The following SOHLH1 variants were observed in gnomAD, a reference collection of about 807,000 sequenced individuals.
SOHLH1 encodes spermatogenesis- and oogenesis-specific basic helix-loop-helix-containing protein 1.
Under a neutral mutation model 36.2 loss-of-function variants are expected in SOHLH1, and 23 were observed. The observed-to-expected ratio is 0.64, with a 90% confidence interval of 0.46 to 0.90. The LOEUF is 0.90. Among genes scored for constraint, SOHLH1 ranks in the 40% least tolerant of loss-of-function variants. SOHLH1 has a pLI of 0.00. For synonymous variants in SOHLH1, 289 were observed against 228.3 expected, an observed-to-expected ratio of 1.27 and a Z score of -2.40; for missense variants, 608 against 517.0, an observed-to-expected ratio of 1.18 and a Z score of -1.71.
chr9:135,693,754 A>G lies in SOHLH1; in HGVS notation c.1007T>C (p.Leu336Pro), dbSNP rs1834682427. The change falls in exon 8 of 8, where the codon CTG (leucine) becomes CCG (proline). Residue 336 changes from leucine to proline, a missense_variant. Coordinates refer to ENST00000425225, the MANE Select transcript of SOHLH1 (RefSeq NM_001101677.2). Reference protein sequence around the residue: ...PAWAPAESSPLDVGEPGFLGD... With the variant: ...PAWAPAESSPPDVGEPGFLGD... ...TAGGAAGCCTGGCTCTCCAACATCCAGTGGACTGCTCTCAGCTGGGGCCCA... is the reference window on the plus strand; with the variant it reads ...TAGGAAGCCTGGCTCTCCAACATCCGGTGGACTGCTCTCAGCTGGGGCCCA... 1.9e-6 allele frequency: 3 copies of G among 1,578,968 alleles called. No homozygotes were observed. The highest frequency in any genetic ancestry group is 2.6e-6 in the Non-Finnish European group (3 of 1,163,312).
chr9:135,694,332 C>T, intron 7 of SOHLH1, 55 bp downstream of exon 7: 3 of 1,611,602 alleles, frequency 1.9e-6, no homozygotes, highest in Non-Finnish European at 2.5e-6. Context: ...AATTCCCCAG[C>T]TCATATCAGG....
rs147567724 is a variant in SOHLH1 at position 135,698,464 on chromosome 9, C to A, written c.210G>T (p.Ser70=). 8 of 1,613,174 alleles carry A rather than the reference C, an allele frequency of 5.0e-6. No individual in the cohort carries two copies. In the Admixed American group the frequency reaches 1.3e-4, roughly 27 times the overall value. ...GGGCCCGCAGACGCTCACAGCTCAA[C>A]GACATCCGCTTCCTGGTTCCGGTCA... is the stretch of plus-strand genomic sequence containing the variant. The part of the protein sequence containing the change: ...ISERERRKRM[S]LSCERLRALL... The change falls in exon 3 of 8, where the codon TCG becomes TCT. Residue 70 remains serine, a synonymous_variant. Transcript: ENST00000425225.
upstream of SOHLH1, among the ~76,000 whole-genome samples, chr9:135,700,087 C>T (rs893120697): frequency 3.9e-5 from 6 of 152,322 alleles, no homozygotes; most frequent in Admixed American, 3.3e-4. Flanking sequence ...AGGCCACCAT[C>T]GTCCGTGCTC....
intron 6 of SOHLH1, among the ~76,000 whole-genome samples, 160 bp downstream of exon 6, chr9:135,694,890 G>A (rs1834727179): frequency 6.6e-6 from 1 of 152,242 alleles, no homozygotes; most frequent in Non-Finnish European, 1.5e-5. Flanking sequence ...CCTGTCCTGG[G>A]CTGTGGCCTT....
intron 7 of SOHLH1, chr9:135,694,127 A>G: frequency 7.0e-7 from 1 of 1,432,414 alleles, no homozygotes; most frequent in Non-Finnish European, 9.1e-7. Context: ...CACAGGGTCA[A>G]GGGGAAGAAT....
At position 135,699,402 on chromosome 9, in the gene SOHLH1, C is replaced by T; in HGVS notation, c.65+1G>A. On this transcript the variant is annotated splice_donor_variant, in intron 1 of 7. Transcript: ENST00000425225. LOFTEE classifies it high-confidence loss of function. ...CCTTGGCCGCCAGCCCAATTCCTCA[C>T]TTGCATCCCCTGACGGTAGGGATTC... The T allele has an allele frequency of 1.2e-6, 2 of 1,611,436 alleles. No homozygotes were observed. The highest frequency in any genetic ancestry group is 2.2e-5 in the East Asian group (1 of 44,830).
At chr9:135,700,366 G>A (rs1442612581), upstream of SOHLH1, among the ~76,000 whole-genome samples, 7 of 152,270 alleles carry the variant, frequency 4.6e-5, no homozygotes, top group Non-Finnish European at 7.4e-5. Flanking sequence ...GGGGGATGAC[G>A]GAGGGAAGGG....
intron 5 of SOHLH1, 37 bp from the exon 6 acceptor site, chr9:135,695,300 C>T (rs1834748589): frequency 1.3e-6 from 2 of 1,555,192 alleles, no homozygotes; most frequent in East Asian, 2.3e-5. Context: ...GCCTTCCCTG[C>T]CCAGCCCCAC....
intron 5 of SOHLH1, among the ~76,000 whole-genome samples, chr9:135,695,792 G>A (rs1376076100): frequency 6.6e-6 from 1 of 152,144 alleles, no homozygotes; most frequent in African/African-American, 2.4e-5. Context: ...GGTCATCAGA[G>A]GCGCCCTGCA....
At chr9:135,700,839 G>A (rs923756378), upstream of SOHLH1, among the ~76,000 whole-genome samples, 1 of 152,164 alleles carries the variant, frequency 6.6e-6, no homozygotes, top group Non-Finnish European at 1.5e-5. Context: ...CCTGCCCCTG[G>A]CCAGGGAGGG....
chr9:135,697,729 T>C, intron 3 of SOHLH1, 102 bp from the exon 4 acceptor site: 1 of 1,422,714 alleles, frequency 7.0e-7, no homozygotes, highest in Non-Finnish European at 9.6e-7. Context: ...AGGGTCACTG[T>C]GAGCTCGGTC....
chr9:135,699,175 C>T (rs1414684213), intron 1 of SOHLH1, 49 bp from the exon 2 acceptor site: 3 of 1,553,818 alleles, frequency 1.9e-6, no homozygotes, highest in African/African-American at 1.4e-5. Flanking sequence ...CAGAAAAGGC[C>T]ACCAGGAGTC....
rs201942489 is a variant in SOHLH1, at chr9:135,699,040, G to A, written c.152C>T (p.Pro51Leu). 3.1e-4 allele frequency: 497 copies of A among 1,611,524 alleles called. 6 individuals are homozygous for A. The South Asian group carries it at 5.2e-3, about 17-fold the overall frequency. ...PPKAPTVAEG[P>L]SSCLRRNVIS... ...CACGTTCCGCCGAAGGCAGGAGCTGGGACCCTCGGCCACCGTAGGGGCCTT... is the reference window on the plus strand; with the variant it reads ...CACGTTCCGCCGAAGGCAGGAGCTGAGACCCTCGGCCACCGTAGGGGCCTT... Residue 51 changes from proline to leucine, a missense_variant, in exon 2 of 8, where the codon CCC becomes CTC. Pro to Leu is a moderately conservative substitution (Grantham distance 98). Transcript: ENST00000425225.
upstream of SOHLH1, among the ~76,000 whole-genome samples, chr9:135,700,671 A>C (rs1325907698): frequency 2.0e-5 from 3 of 152,184 alleles, no homozygotes; most frequent in Admixed American, 6.5e-5. Flanking sequence ...TTTGGGCCAA[A>C]GATGGGTGAA....
Position 135,696,785 on chromosome 9 carries a change from A to C in SOHLH1, c.488T>G (p.Phe163Cys). 6.2e-7 allele frequency: 1 copy of C among 1,612,992 alleles called. No homozygotes were observed. Among genetic ancestry groups the C allele is most frequent in the Non-Finnish European group, 8.5e-7 (1 of 1,179,982 alleles). ...SGTRTPDVKAFLESPWSLDPA... is the reference protein window; with the variant it reads ...SGTRTPDVKACLESPWSLDPA... ...ATCCAGGGACCAAGGACTTTCCAGA[A>C]ACGCCTTCACATCTGGGGTTCTAGA... Residue 163 changes from phenylalanine to cysteine, a missense_variant, in exon 5 of 8, where the codon TTT (phenylalanine) becomes TGT (cysteine). Phe to Cys is a radical substitution (Grantham distance 205, BLOSUM62 -2). Coordinates refer to ENST00000425225, the MANE Select transcript of SOHLH1 (RefSeq NM_001101677.2).
chr9:135,701,871 G>T (rs991757651), upstream of SOHLH1, among the ~76,000 whole-genome samples: 1 of 152,206 alleles, frequency 6.6e-6, no homozygotes, highest in Non-Finnish European at 1.5e-5. Context: ...CCTGCTGCCC[G>T]CCAAGGACCC....
At chr9:135,700,446 G>T (rs994163727), upstream of SOHLH1, among the ~76,000 whole-genome samples, 1 of 152,032 alleles carries the variant, frequency 6.6e-6, no homozygotes. Flanking sequence ...GGACGAGGGT[G>T]GGGGGTGAGG....
At chr9:135,696,009 A>G (rs939229185) in intron 5 of SOHLH1, among the ~76,000 whole-genome samples, 1 of 152,076 alleles carries the variant, frequency 6.6e-6, no homozygotes, top group Non-Finnish European at 1.5e-5. Flanking sequence ...CACCAGCCAC[A>G]GGCGGGTGAG....
rs377566516 is a variant in SOHLH1 at position 135,695,843 on chromosome 9, A to G, written c.662-580T>C. Among the ~76,000 whole-genome samples, 13 of 152,286 alleles carry G rather than the reference A, an allele frequency of 8.5e-5. No homozygotes were observed. The East Asian group carries it at 2.5e-3, about 30-fold the overall frequency. On this transcript the variant is annotated intron_variant, in intron 5 of 7. Transcript: ENST00000425225. Reference sequence around the variant, plus strand: ...GGACCAGAGCTCAGCTGTGGGTGGCATTAGGGACAAAGGCCCCGGGTGGCA... The same window carrying G: ...GGACCAGAGCTCAGCTGTGGGTGGCGTTAGGGACAAAGGCCCCGGGTGGCA...
Sources: allele counts gnomAD v4.1 joint callset (sites outside exome capture counted in the v4.1 genomes callset), GRCh38; gene constraint gnomAD v4.1.1; transcripts MANE v1.5; gene names NCBI Gene and HGNC (gene_info 2026-07-23, HGNC 2026-07-21).